MGMT: variants seen among roughly 807,000 people sequenced by gnomAD.
MGMT encodes the protein O-6-methylguanine-DNA methyltransferase.
A neutral mutation model predicts 15.9 loss-of-function variants in MGMT; 14 were observed. The ratio of observed to expected loss-of-function variants is 0.88; its 90% confidence interval spans 0.58 to 1.37. MGMT has a LOEUF of 1.37. Among genes scored for constraint, MGMT ranks in the 40% most tolerant of loss-of-function variants. The pLI is 0.00. For synonymous variants in MGMT, 130 were observed against 118.2 expected (o/e 1.10, Z -0.65); for missense variants, 282 against 268.1 (o/e 1.05, Z -0.36).
chr10:129,681,160 G>A (rs1371582151), intron 2 of MGMT, among the ~76,000 whole-genome samples: 1 of 152,216 alleles, frequency 6.6e-6, no homozygotes, highest in Non-Finnish European at 1.5e-5. Flanking sequence ...GTCTCCACCT[G>A]TGGCCGTAGC....
rs548640969 is a variant in MGMT at position 129,699,691 on chromosome 10, T to C, written c.126-8204T>C. Among the ~76,000 whole-genome samples, 46 of 152,272 alleles carry C rather than the reference T, an allele frequency of 3.0e-4. 1 individual carries two copies. The highest frequency in any genetic ancestry group is 1.2e-3 in the South Asian group (6 of 4,824). ...TTTATTATGAACCACACAGTAAAAG[T>C]GCAGTAAAGATCTGCTGACTTGACA... is the stretch of plus-strand genomic sequence containing the variant. On this transcript the variant is annotated intron_variant, in intron 2 of 4. Coordinates refer to ENST00000651593, the MANE Select transcript of MGMT (RefSeq NM_002412.5).
chr10:129,531,171 G>A (rs926945440), intron 1 of MGMT, among the ~76,000 whole-genome samples: 1 of 152,118 alleles, frequency 6.6e-6, no homozygotes, highest in Non-Finnish European at 1.5e-5. Flanking sequence ...TTGGGCATTG[G>A]TGAAGATCCT....
chr10:129,739,776 T>A (rs76700526), intron 3 of MGMT, among the ~76,000 whole-genome samples: 4,171 of 152,300 alleles, frequency 0.027, 177 homozygotes, highest in African/African-American at 0.094. Context: ...TGAGTTTTTT[T>A]ATGATTTTTT....
At chr10:129,678,215 G>C (rs1281054447) in intron 2 of MGMT, among the ~76,000 whole-genome samples, 1 of 152,168 alleles carries the variant, frequency 6.6e-6, no homozygotes, top group Non-Finnish European at 1.5e-5. Context: ...TTGGAGGCCT[G>C]GAGTGATGAG....
chr10:129,473,746 C>T (rs1254487579), intron 1 of MGMT, among the ~76,000 whole-genome samples: 2 of 152,190 alleles, frequency 1.3e-5, no homozygotes, highest in African/African-American at 4.8e-5. Flanking sequence ...AAGCAATTCG[C>T]CCAAGTGTAT....
Position 129,534,555 on chromosome 10 carries a change from A to G in MGMT, c.-12-1686A>G, listed in dbSNP as rs560816993. 7.2e-5 allele frequency among the ~76,000 whole-genome samples: 11 copies of G among 152,134 alleles called. No individual in the cohort carries two copies. The East Asian group carries it at 9.7e-4, about 13-fold the overall frequency. On this transcript the variant is annotated intron_variant, in intron 1 of 4. Coordinates refer to ENST00000651593, the MANE Select transcript of MGMT (RefSeq NM_002412.5). ...CCGCTGCCCGACCCTGGTCCCTTTA[A>G]GGGACATAAATGCACCTCTCTCTCC...
chr10:129,726,196 A>G (rs1848431692), intron 3 of MGMT, among the ~76,000 whole-genome samples: 1 of 152,146 alleles, frequency 6.6e-6, no homozygotes, highest in Non-Finnish European at 1.5e-5. Flanking sequence ...AACTTTAGAC[A>G]GTGACTGAGC....
At chr10:129,721,483 T>A (rs541508828) in intron 3 of MGMT, among the ~76,000 whole-genome samples, 1 of 152,366 alleles carries the variant, frequency 6.6e-6, no homozygotes, top group East Asian at 1.9e-4. Context: ...TCACTAGAAC[T>A]AGAAAATATG....
At chr10:129,726,591 GA>G (rs1426713038) in intron 3 of MGMT, among the ~76,000 whole-genome samples, 2 of 152,218 alleles carry the variant, frequency 1.3e-5, no homozygotes, top group Non-Finnish European at 2.9e-5. Flanking sequence ...AGATCTTTTG[GA>G]AGAATTTGAA....
At chr10:129,594,163 T>G (rs557861607) in intron 2 of MGMT, among the ~76,000 whole-genome samples, 50 of 152,296 alleles carry the variant, frequency 3.3e-4, no homozygotes, top group African/African-American at 1.1e-3. Flanking sequence ...GGCTGATGCA[T>G]GAGGCTAGAA....
At chr10:129,524,814 T>C (rs12244193) in intron 1 of MGMT, among the ~76,000 whole-genome samples, 37,659 of 151,196 alleles carry the variant, frequency 0.25, 5,626 homozygotes, top group African/African-American at 0.43. Context: ...ATGGTCTGGA[T>C]CTCCTGACCT....
At chr10:129,712,870 A>AGC in intron 3 of MGMT, among the ~76,000 whole-genome samples, 1 of 152,158 alleles carries the variant, frequency 6.6e-6, no homozygotes, top group South Asian at 2.1e-4. Flanking sequence ...CCCACCCCTG[A>AGC]TGGGTGCCCA....
At chr10:129,544,807 G>A (rs761540054) in intron 2 of MGMT, among the ~76,000 whole-genome samples, 1 of 152,222 alleles carries the variant, frequency 6.6e-6, no homozygotes, top group Non-Finnish European at 1.5e-5. Flanking sequence ...CACATTGTAT[G>A]GGAAATAAGG....
intron 2 of MGMT, among the ~76,000 whole-genome samples, chr10:129,639,445 T>G (rs1437253270): frequency 6.6e-6 from 1 of 152,210 alleles, no homozygotes; most frequent in Non-Finnish European, 1.5e-5. Flanking sequence ...CATTTCTTAC[T>G]GATCAACAGA....
At chr10:129,534,465 G>A (rs114475585) in intron 1 of MGMT, among the ~76,000 whole-genome samples, 1 of 152,080 alleles carries the variant, frequency 6.6e-6, no homozygotes, top group Non-Finnish European at 1.5e-5. Flanking sequence ...CGGCTCTGGA[G>A]TGTGACAGTT....
At chr10:129,518,272 G>GA (rs1160931919) in intron 1 of MGMT, among the ~76,000 whole-genome samples, 3 of 151,088 alleles carry the variant, frequency 2.0e-5, no homozygotes, top group Non-Finnish European at 2.9e-5. Context: ...CGAAATATGT[G>GA]AAAAAACTTT....
At chr10:129,619,162 C>T (rs1032946401) in intron 2 of MGMT, among the ~76,000 whole-genome samples, 16 of 152,050 alleles carry the variant, frequency 1.1e-4, no homozygotes, top group Admixed American at 7.9e-4. Flanking sequence ...AGTTTTATTA[C>T]GGAAGGGTGT....
chr10:129,581,839 C>G, intron 2 of MGMT, among the ~76,000 whole-genome samples: 1 of 152,238 alleles, frequency 6.6e-6, no homozygotes, highest in East Asian at 1.9e-4. Context: ...CGGGGTATCC[C>G]CTGGCTAAGC....
At position 129,645,253 on chromosome 10, in the gene MGMT, G is replaced by A. The variant is rs534058463; in HGVS notation, c.126-62642G>A. On this transcript the variant is annotated intron_variant, in intron 2 of 4. Transcript: ENST00000651593. ...TGCTGCCTCAGCCTCCTGAGCAGCTGGGTTTATAGGCGCCCACCACCATGC... is the reference window on the plus strand; with the variant it reads ...TGCTGCCTCAGCCTCCTGAGCAGCTAGGTTTATAGGCGCCCACCACCATGC... Among the ~76,000 whole-genome samples, 12 of 151,832 alleles carry A rather than the reference G, an allele frequency of 7.9e-5. No homozygotes were observed. In the East Asian group the frequency reaches 2.3e-3, roughly 29 times the overall value.
Sources: allele counts gnomAD v4.1 joint callset (sites outside exome capture counted in the v4.1 genomes callset), GRCh38; gene constraint gnomAD v4.1.1; transcripts MANE v1.5; gene names NCBI Gene and HGNC (gene_info 2026-07-23, HGNC 2026-07-21).